PCDHA5: variants seen among roughly 807,000 people sequenced by gnomAD.
PCDHA5 encodes the protein protocadherin alpha-5.
Under a neutral mutation model 61.6 loss-of-function variants are expected in PCDHA5, and 43 were observed. The observed-to-expected ratio is 0.70, with a 90% CI of 0.55 to 0.90. The LOEUF (loss-of-function observed/expected upper bound fraction) is 0.90. Among genes scored for constraint, PCDHA5 ranks in the 40% least tolerant of loss-of-function variants. The pLI, the probability that PCDHA5 is intolerant of heterozygous loss-of-function variation, is 0.00. For synonymous variants in PCDHA5, 627 were observed against 543.9 expected, an observed-to-expected ratio of 1.15 and a Z score of -2.13; for missense variants, 1,298 against 1,222.7, an observed-to-expected ratio of 1.06 and a Z score of -0.92.
intron 1 of PCDHA5, chr5:140,884,143 G>A: frequency 6.2e-7 from 1 of 1,613,438 alleles, no homozygotes; most frequent in Non-Finnish European, 8.5e-7. Context: ...TCCGCGTGGG[G>A]CTGTACACTG....
chr5:140,992,017 C>CTGTGTGTGTGTG (rs10602499), intron 3 of PCDHA5, among the ~76,000 whole-genome samples: 10 of 145,628 alleles, frequency 6.9e-5, no homozygotes, highest in African/African-American at 2.3e-4. Flanking sequence ...AGAGGTGGCT[C>CTGTGTGTGTGTG]TGTGTGTGTG....
rs2150186249 is a variant in PCDHA5 at position 140,830,415 on chromosome 5, G to A, written c.2352+6288G>A. ...ATGGATCTCATGGCCTTTAGCCCCA[G>A]CCTTTCACCTTGTCCTATTATGATG... On this transcript the variant is annotated intron_variant, in intron 1 of 3. Coordinates refer to ENST00000529859, the MANE Select transcript of PCDHA5 (RefSeq NM_018908.3). 22 of 1,614,018 alleles carry A rather than the reference G, an allele frequency of 1.4e-5. No individual in the cohort carries two copies. In the East Asian group the frequency reaches 1.8e-4, roughly 13 times the overall value.
chr5:140,923,963 A>G (rs1172303229), intron 1 of PCDHA5, among the ~76,000 whole-genome samples: 1 of 152,188 alleles, frequency 6.6e-6, no homozygotes, highest in African/African-American at 2.4e-5. Context: ...CCTAATCTAT[A>G]CCCACACATA....
chr5:140,877,171 G>A (rs2056910663), intron 1 of PCDHA5: 1 of 1,613,742 alleles, frequency 6.2e-7, no homozygotes, highest in Non-Finnish European at 8.5e-7. Context: ...GGCACTGCTG[G>A]CGACTCCGGC....
chr5:140,993,463 CACA>C (rs1563592017), intron 3 of PCDHA5, among the ~76,000 whole-genome samples: 29 of 7,582 alleles, frequency 3.8e-3, no homozygotes, highest in African/African-American at 0.016. Flanking sequence ...CTTTCTTTCT[CACA>C]CACACACACA....
rs2150114223 is a variant in PCDHA5 at position 140,822,165 on chromosome 5, C to T, written c.390C>T (p.Pro130=). The T allele has an allele frequency of 1.9e-6, 3 of 1,614,238 alleles. No homozygotes were observed. The highest frequency in any genetic ancestry group is 2.2e-5 in the South Asian group (2 of 91,086). ...VAVKDINDNP[P]RFSRQEQRLF... ...TGAAGGACATCAATGACAATCCGCC[C>T]AGGTTCTCCAGACAAGAACAAAGAT... Residue 130 remains proline (P), a synonymous_variant, in exon 1 of 4, where the codon CCC becomes CCT. Transcript: ENST00000529859.
intron 1 of PCDHA5, among the ~76,000 whole-genome samples, chr5:140,941,255 C>CTTTCTTTCTTTCTT (rs782490896): frequency 4.1e-3 from 183 of 44,496 alleles, no homozygotes; most frequent in African/African-American, 4.7e-3. Context: ...TTCTTTCTTT[C>CTTTCTTTCTTTCTT]TCTTTCTTTC....
chr5:140,910,924 A>G (rs568597600), intron 1 of PCDHA5, among the ~76,000 whole-genome samples: 2 of 152,260 alleles, frequency 1.3e-5, no homozygotes, highest in South Asian at 4.1e-4. Flanking sequence ...GCTTATATAA[A>G]TAAGAAAGCT....
At chr5:140,882,024 G>C in intron 1 of PCDHA5, 1 of 580,388 alleles carries the variant, frequency 1.7e-6, no homozygotes, top group East Asian at 3.1e-5. Flanking sequence ...CTACATCAAT[G>C]GAAAATATGA....
chr5:140,936,034 A>C (rs1554210820), intron 1 of PCDHA5, among the ~76,000 whole-genome samples: 1 of 151,842 alleles, frequency 6.6e-6, no homozygotes, highest in East Asian at 1.9e-4. Context: ...CGGGGATTAC[A>C]GGCACCCACC....
chr5:140,937,527 G>A (rs1190290782), intron 1 of PCDHA5, among the ~76,000 whole-genome samples: 3 of 152,250 alleles, frequency 2.0e-5, no homozygotes, highest in Non-Finnish European at 4.4e-5. Flanking sequence ...TGAGGCAGGA[G>A]AATTGCTTGA....
chr5:140,900,534 T>C (rs1583392378), intron 1 of PCDHA5, among the ~76,000 whole-genome samples: 1 of 152,202 alleles, frequency 6.6e-6, no homozygotes, highest in Admixed American at 6.5e-5. Context: ...ACCTCGGCTT[T>C]CCAAAGTGCT....
chr5:140,887,387 C>T (rs959255749), intron 1 of PCDHA5, among the ~76,000 whole-genome samples: 8 of 152,106 alleles, frequency 5.3e-5, no homozygotes, highest in Non-Finnish European at 1.5e-5. Context: ...TGAGCCACCG[C>T]GCCCGGCTCT....
rs552891884 is a variant in PCDHA5 at position 140,857,764 on chromosome 5, G to A, written c.2352+33637G>A. The A allele has an allele frequency of 3.8e-6, 6 of 1,597,520 alleles. 2 individuals carry two copies. In the African/African-American group the frequency reaches 5.4e-5, roughly 14 times the overall value. On this transcript the variant is annotated intron_variant, in intron 1 of 3. Coordinates refer to ENST00000529859, the MANE Select transcript of PCDHA5 (RefSeq NM_018908.3). ...TGCTGGCGTCTCCCGCTGGCAGCGC[G>A]GGCGGTGCAGTCAGTGAGCTGGTGC...
intron 1 of PCDHA5, among the ~76,000 whole-genome samples, chr5:140,975,986 G>C (rs1554237183): frequency 6.6e-6 from 1 of 152,112 alleles, no homozygotes; most frequent in East Asian, 1.9e-4. Context: ...ATAGTCCTGG[G>C]AGGTACCATC....
chr5:140,918,321 T>C (rs1175303192), intron 1 of PCDHA5, among the ~76,000 whole-genome samples: 2 of 152,054 alleles, frequency 1.3e-5, no homozygotes, highest in Non-Finnish European at 2.9e-5. Flanking sequence ...GGTATAAAAT[T>C]ATATTGTCTG....
chr5:140,994,558 A>G (rs1414971844), intron 3 of PCDHA5, among the ~76,000 whole-genome samples: 4 of 151,948 alleles, frequency 2.6e-5, no homozygotes, highest in Non-Finnish European at 5.9e-5. Context: ...TATAAAAATT[A>G]GCCGGGTGTG....
chr5:140,861,872 G>T (rs1554155357), intron 1 of PCDHA5: 1 of 155,960 alleles, frequency 6.4e-6, no homozygotes, highest in Non-Finnish European at 1.4e-5. Context: ...TGATGGGGGC[G>T]AAGCTGAGCT....
At chr5:140,836,794 C>A in intron 1 of PCDHA5, 1 of 1,396,740 alleles carries the variant, frequency 7.2e-7, no homozygotes, top group Non-Finnish European at 9.8e-7. Context: ...TTCAATTGGT[C>A]TCCTTAAATT....
Sources: allele counts gnomAD v4.1 joint callset (sites outside exome capture counted in the v4.1 genomes callset), GRCh38; gene constraint gnomAD v4.1.1; transcripts MANE v1.5; gene names NCBI Gene and HGNC (gene_info 2026-07-23, HGNC 2026-07-21).